FAM107B: variants seen among roughly 807,000 people sequenced by gnomAD.
The protein encoded by FAM107B is family with sequence similarity 107 member B.
A neutral mutation model predicts 31.5 loss-of-function variants in FAM107B; 21 were observed. That is an observed-to-expected ratio of 0.67 (90% CI 0.47 to 0.96). FAM107B has a LOEUF of 0.96. Ranked by LOEUF, FAM107B falls within the 40% of genes least tolerant of loss-of-function variation. The pLI, the probability that FAM107B is intolerant of heterozygous loss-of-function variation, is 0.00. For synonymous variants in FAM107B, 157 were observed against 141.5 expected, an observed-to-expected ratio of 1.11 and a Z score of -0.78; for missense variants, 452 against 377.1, an observed-to-expected ratio of 1.20 and a Z score of -1.64.
At position 14,527,162 on chromosome 10, in the gene FAM107B, C is replaced by G. The variant is rs1429668091; in HGVS notation, c.653+3170G>C. ...CTTCTTAATTGTTTTTTTAAAGATC[C>G]CTTCAATAGTAATCTTTTAACCAAA... On this transcript the variant is annotated intron_variant, in intron 3 of 4. Coordinates refer to ENST00000181796, the MANE Select transcript of FAM107B (RefSeq NM_031453.4). Among the ~76,000 whole-genome samples, 4 of 151,338 alleles carry G rather than the reference C, an allele frequency of 2.6e-5. No individual in the cohort carries two copies. In the East Asian group the frequency reaches 7.7e-4, roughly 29 times the overall value.
Position 14,667,551 on chromosome 10 carries a change from C to T in FAM107B, c.469+83G>A. On this transcript the variant is annotated intron_variant, in intron 2 of 4. Coordinates refer to ENST00000181796, the MANE Select transcript of FAM107B (RefSeq NM_031453.4). ...TTTGGAACATACAGGTTTTCCTTTG[C>T]AATCTGAAAAGCCTTAGGATGCTCC... 3 of 1,401,802 alleles carry T rather than the reference C, an allele frequency of 2.1e-6. No homozygotes were observed. In the South Asian group the frequency reaches 3.8e-5, roughly 18 times the overall value. 86.8% of individuals were successfully genotyped at this position (1,401,802 alleles called of 1,614,324 possible).
At chr10:14,535,058 A>G (rs1157295604) in intron 2 of FAM107B, among the ~76,000 whole-genome samples, 2 of 152,276 alleles carry the variant, frequency 1.3e-5, no homozygotes, top group African/African-American at 4.8e-5. Flanking sequence ...AGAAATGTCT[A>G]GAGGTACAAG....
In FAM107B at chr10:14,520,477, A is replaced by G. The variant is rs1408454281; in HGVS notation, c.*713T>C. ...CTCCTAGTAATCAAAGCAATTAATG[A>G]ATGGACAGGATGTACCTTCTTGGAA... On this transcript the variant is annotated 3_prime_UTR_variant, in exon 5 of 5. Transcript: ENST00000181796. 6.6e-6 allele frequency: 1 copy of G among 152,266 alleles called. No individual in the cohort carries two copies. Among genetic ancestry groups the G allele is most frequent in the Non-Finnish European group, 1.5e-5 (1 of 68,052 alleles). The allele number at this position is 152,266 out of a possible 1,614,324, so 9.4% of individuals were successfully genotyped here.
At chr10:14,647,003 C>T (rs888875260) in intron 2 of FAM107B, among the ~76,000 whole-genome samples, 20 of 151,988 alleles carry the variant, frequency 1.3e-4, no homozygotes, top group Admixed American at 3.3e-4. Flanking sequence ...ACCGTGTTAG[C>T]CAGGATAGTC....
intron 2 of FAM107B, among the ~76,000 whole-genome samples, chr10:14,607,343 A>T (rs1852619551): frequency 6.6e-6 from 1 of 152,214 alleles, no homozygotes; most frequent in African/African-American, 2.4e-5. Flanking sequence ...TGAATATCTC[A>T]CATCCCTAGG....
intron 1 of FAM107B, among the ~76,000 whole-genome samples, chr10:14,669,442 C>T (rs1854490577): frequency 6.6e-6 from 1 of 151,584 alleles, no homozygotes; most frequent in Admixed American, 6.6e-5. Context: ...TATCTGCACG[C>T]CCATATTTAT....
At chr10:14,620,306 C>T (rs906480295) in intron 2 of FAM107B, among the ~76,000 whole-genome samples, 2 of 152,082 alleles carry the variant, frequency 1.3e-5, no homozygotes, top group Non-Finnish European at 2.9e-5. Flanking sequence ...CATGAGCCAC[C>T]GCGCTTGGCC....
chr10:14,654,352 A>C (rs1179028803), intron 2 of FAM107B, among the ~76,000 whole-genome samples: 1 of 152,220 alleles, frequency 6.6e-6, no homozygotes, highest in Non-Finnish European at 1.5e-5. Context: ...CTATTTTCTG[A>C]ATATCTGTGT....
At chr10:14,595,422 CTTTTTTTT>C (rs35540585) in intron 2 of FAM107B, among the ~76,000 whole-genome samples, 1 of 98,148 alleles carries the variant, frequency 1.0e-5, no homozygotes, top group Non-Finnish European at 2.0e-5. Flanking sequence ...CTAGGGCAAC[CTTTTTTTT>C]TTTTTTTTTT....
intron 2 of FAM107B, among the ~76,000 whole-genome samples, chr10:14,614,246 G>A (rs183284261): frequency 3.0e-4 from 45 of 152,260 alleles, no homozygotes; most frequent in Non-Finnish European, 4.6e-4. Flanking sequence ...CTCTGAGCAC[G>A]ATCAGAAGCC....
In FAM107B at chr10:14,662,378, C is replaced by CTTT. The variant is rs3035295; in HGVS notation, c.469+5253_469+5255dup. Among the ~76,000 whole-genome samples, 60 of 139,648 alleles carry CTTT rather than the reference C, an allele frequency of 4.3e-4. 2 individuals are homozygous for CTTT. The highest frequency in any genetic ancestry group is 2.0e-3 in the South Asian group (9 of 4,394). The allele number at this position is 139,648 out of a possible 152,430, so 91.6% of individuals were successfully genotyped here. A position where few individuals can be genotyped will look rare whatever the true frequency, so the allele number is the denominator to read the frequency against. On this transcript the variant is annotated intron_variant, in intron 2 of 4. Coordinates refer to ENST00000181796, the MANE Select transcript of FAM107B (RefSeq NM_031453.4). ...TCCCTTCATCTGACCTCTGACCTGTCTTTTTTTTTTTTTTTGGAGACAGGG... is the reference window on the plus strand; with the variant it reads ...TCCCTTCATCTGACCTCTGACCTGTCTTTTTTTTTTTTTTTTTTGGAGACAGGG...
intron 1 of FAM107B, among the ~76,000 whole-genome samples, chr10:14,683,426 G>A (rs1392752939): frequency 1.3e-5 from 2 of 152,204 alleles, no homozygotes; most frequent in African/African-American, 2.4e-5. Context: ...GGCCAAGAAA[G>A]CCGCAGGAAC....
chr10:14,701,122 A>G lies in FAM107B; in HGVS notation c.412-33431T>C, dbSNP rs149692163. ...TTTTTTAATGTCCTAATTTCACCTT[A>G]TGTTCTCTGACATTGACAGGGACAA... On this transcript the variant is annotated intron_variant, in intron 1 of 4. Transcript: ENST00000181796. 4.1e-3 allele frequency among the ~76,000 whole-genome samples: 617 copies of G among 152,222 alleles called. 3 individuals are homozygous for G. Among genetic ancestry groups the G allele is most frequent in the African/African-American group, 0.014 (586 of 41,528 alleles).
At chr10:14,760,951 G>T (rs921025749) in intron 1 of FAM107B, among the ~76,000 whole-genome samples, 10 of 143,232 alleles carry the variant, frequency 7.0e-5, no homozygotes, top group Non-Finnish European at 1.0e-4. Flanking sequence ...GGCGAAGGTT[G>T]CAGTGAGCTG....
rs867863698 is a variant in FAM107B at position 14,685,150 on chromosome 10, T to A, written c.412-17459A>T. On this transcript the variant is annotated intron_variant, in intron 1 of 4. Coordinates refer to ENST00000181796, the MANE Select transcript of FAM107B (RefSeq NM_031453.4). ...GCCAATAACATCCTTTTATTTTTTTTTTTTTTTTTTTTTTTTGAGACAGGT... is the reference window on the plus strand; with the variant it reads ...GCCAATAACATCCTTTTATTTTTTTATTTTTTTTTTTTTTTTGAGACAGGT... Among the ~76,000 whole-genome samples, 1,402 of 147,534 alleles carry A rather than the reference T, an allele frequency of 9.5e-3. 15 individuals are homozygous for A. Among genetic ancestry groups the A allele is most frequent in the African/African-American group, 0.027 (1,105 of 40,224 alleles).
intron 1 of FAM107B, among the ~76,000 whole-genome samples, chr10:14,709,616 G>T (rs1394800171): frequency 6.6e-6 from 1 of 152,164 alleles, no homozygotes; most frequent in African/African-American, 2.4e-5. Flanking sequence ...TTCAAGATGA[G>T]ATTTGGGTGG....
intron 1 of FAM107B, among the ~76,000 whole-genome samples, chr10:14,711,616 G>A (rs1414354153): frequency 6.6e-6 from 1 of 152,124 alleles, no homozygotes; most frequent in Non-Finnish European, 1.5e-5. Context: ...TGCCTAATGA[G>A]GCATTTCCAA....
rs538128913 is a variant in FAM107B at position 14,572,202 on chromosome 10, G to A, written c.470-41687C>T. 1.4e-4 allele frequency: 134 copies of A among 985,374 alleles called. No individual in the cohort carries two copies. The African/African-American group carries it at 1.9e-3, about 14-fold the overall frequency. 61.0% of individuals were successfully genotyped at this position (985,374 alleles called of 1,614,324 possible). A position where few individuals can be genotyped will look rare whatever the true frequency, so the allele number is the denominator to read the frequency against. On this transcript the variant is annotated intron_variant, in intron 2 of 4. Transcript: ENST00000181796. ...CAGAGCAAACAATGAAAAACAAACC[G>A]TACCAACTCTGGTACCAGTTACTGA...
intron 1 of FAM107B, among the ~76,000 whole-genome samples, chr10:14,770,447 C>T (rs974385975): frequency 5.9e-5 from 9 of 152,082 alleles, no homozygotes; most frequent in African/African-American, 1.4e-4. Flanking sequence ...TACTTGAACA[C>T]GGGAGGCAGA....
Sources: gnomAD v4.1 joint callset for allele counts (sites outside exome capture counted in the v4.1 genomes callset) on GRCh38, gnomAD v4.1.1 for gene constraint, MANE v1.5 for transcripts, NCBI Gene and HGNC (gene_info 2026-07-23, HGNC 2026-07-21) for gene names.